Variants in STAU2 observed in about 807,000 individuals in gnomAD.
STAU2 encodes the protein double-stranded RNA-binding protein Staufen homolog 2.
A neutral mutation model predicts 65.9 loss-of-function variants in STAU2; 20 were observed. That is an observed-to-expected ratio of 0.30 (90% CI 0.21 to 0.44). The LOEUF (loss-of-function observed/expected upper bound fraction) is 0.44. STAU2 is among the 20% of genes least tolerant of loss of function. STAU2 has a pLI of 1.00. For missense variants in STAU2, 558 were observed against 683.9 expected, an observed-to-expected ratio of 0.82 and a Z score of 2.05; for synonymous variants, 232 against 233.9, an observed-to-expected ratio of 0.99 and a Z score of 0.07.
chr8:73,674,608 A>T (rs1356480961), intron 5 of STAU2, among the ~76,000 whole-genome samples: 1 of 151,586 alleles, frequency 6.6e-6, no homozygotes, highest in African/African-American at 2.4e-5. Flanking sequence ...AGATTTTTTT[A>T]AACCCTGCAA....
At chr8:73,537,358 A>G (rs1456392266) in intron 13 of STAU2, among the ~76,000 whole-genome samples, 1 of 152,222 alleles carries the variant, frequency 6.6e-6, no homozygotes, top group Non-Finnish European at 1.5e-5. Flanking sequence ...AGTTTTGGTA[A>G]AAGATAAACC....
chr8:73,653,680 T>C (rs1816080750), intron 6 of STAU2: 1 of 179,934 alleles, frequency 5.6e-6, no homozygotes, highest in Non-Finnish European at 1.2e-5. Context: ...AATTCTGATT[T>C]AATTAGTCCA....
chr8:73,444,407 C>CA (rs55722523), intron 13 of STAU2, among the ~76,000 whole-genome samples: 3,237 of 128,364 alleles, frequency 0.025, 118 homozygotes, highest in African/African-American at 0.088. Flanking sequence ...AAAACTCCAT[C>CA]AAAAAAAAAA....
intron 6 of STAU2, among the ~76,000 whole-genome samples, chr8:73,633,977 C>CA (rs536287275): frequency 7.3e-5 from 11 of 150,586 alleles, no homozygotes; most frequent in African/African-American, 2.4e-4. Context: ...GACTCCATCT[C>CA]AAAAAAAAGA....
At chr8:73,582,679 G>T in intron 12 of STAU2, 91 bp downstream of exon 12, 1 of 1,208,054 alleles carries the variant, frequency 8.3e-7, no homozygotes, top group South Asian at 1.3e-5. Context: ...CAGCCTCTCA[G>T]ACCCAGACAG....
intron 6 of STAU2, among the ~76,000 whole-genome samples, chr8:73,659,435 G>T: frequency 6.6e-6 from 1 of 152,196 alleles, no homozygotes; most frequent in East Asian, 1.9e-4. Context: ...TACTCAGGAG[G>T]CTGAGGCAGG....
chr8:73,731,223 C>G (rs1806045848), intron 3 of STAU2, among the ~76,000 whole-genome samples: 1 of 152,202 alleles, frequency 6.6e-6, no homozygotes, highest in Non-Finnish European at 1.5e-5. Context: ...CTCTGGAGAT[C>G]TCCAAAATGC....
chr8:73,511,249 CTT>C (rs71947448), intron 13 of STAU2: 58,820 of 152,570 alleles, frequency 0.39, 13,012 homozygotes, highest in Non-Finnish European at 0.5. Flanking sequence ...AAGCACTTCT[CTT>C]TTGGTTTAGT....
intron 13 of STAU2, among the ~76,000 whole-genome samples, chr8:73,450,608 ATTC>A (rs1818752552): frequency 6.6e-6 from 1 of 152,224 alleles, no homozygotes; most frequent in Non-Finnish European, 1.5e-5. Flanking sequence ...AAGTATTGGT[ATTC>A]TTCTGATGAC....
intron 12 of STAU2, among the ~76,000 whole-genome samples, chr8:73,577,163 T>C (rs1809621359): frequency 6.6e-6 from 1 of 152,154 alleles, no homozygotes; most frequent in Non-Finnish European, 1.5e-5. Flanking sequence ...GTACACTGGC[T>C]CACGCCTGTA....
chr8:73,533,523 C>CA (rs1805971101), intron 13 of STAU2, among the ~76,000 whole-genome samples: 1 of 152,174 alleles, frequency 6.6e-6, no homozygotes, highest in African/African-American at 2.4e-5. Flanking sequence ...CTGATATTGA[C>CA]TTTGCCAGTC....
At chr8:73,434,981 C>T (rs1817585844) in intron 13 of STAU2, among the ~76,000 whole-genome samples, 1 of 151,978 alleles carries the variant, frequency 6.6e-6, no homozygotes, top group African/African-American at 2.4e-5. Context: ...TCATTGAGTG[C>T]CAGTCCATTT....
intron 11 of STAU2, among the ~76,000 whole-genome samples, chr8:73,585,738 C>T (rs556909409): frequency 1.6e-4 from 25 of 152,256 alleles, no homozygotes; most frequent in African/African-American, 3.8e-4. Context: ...CAGACACAAA[C>T]GAGAAATATA....
chr8:73,496,048 G>C (rs1263344792), intron 13 of STAU2, among the ~76,000 whole-genome samples: 1 of 151,392 alleles, frequency 6.6e-6, no homozygotes, highest in East Asian at 1.9e-4. Flanking sequence ...CTCTTTCTTT[G>C]AAATCCAATT....
chr8:73,503,157 A>G (rs1482708000), intron 13 of STAU2, among the ~76,000 whole-genome samples: 1 of 152,152 alleles, frequency 6.6e-6, no homozygotes, highest in Admixed American at 6.6e-5. Flanking sequence ...TCTGAATGAC[A>G]GGTGCCCTCA....
At chr8:73,716,953 T>A (rs1821292816) in intron 3 of STAU2, among the ~76,000 whole-genome samples, 1 of 151,992 alleles carries the variant, frequency 6.6e-6, no homozygotes, top group African/African-American at 2.4e-5. Context: ...ATACAAAAAG[T>A]AGCTGGGCAC....
chr8:73,739,695 T>C (rs1806702860), intron 2 of STAU2, 61 bp downstream of exon 2: 1 of 1,387,690 alleles, frequency 7.2e-7, no homozygotes, highest in Non-Finnish European at 9.4e-7. Flanking sequence ...GGATGCTGTA[T>C]AAAGAGCACA....
At chr8:73,517,933 T>C (rs1674673857) in intron 13 of STAU2, among the ~76,000 whole-genome samples, 1 of 152,204 alleles carries the variant, frequency 6.6e-6, no homozygotes, top group Non-Finnish European at 1.5e-5. Context: ...ATATTCAATC[T>C]TCCCACTAGC....
At chr8:73,655,891 G>A (rs1055197686) in intron 6 of STAU2, among the ~76,000 whole-genome samples, 22 of 151,568 alleles carry the variant, frequency 1.5e-4, no homozygotes, top group Admixed American at 5.9e-4. Context: ...CTCGTGATTC[G>A]CCCGCCTCGG....
Sources: gnomAD v4.1 joint callset for allele counts (sites outside exome capture counted in the v4.1 genomes callset) on GRCh38, gnomAD v4.1.1 for gene constraint, MANE v1.5 for transcripts, NCBI Gene and HGNC (gene_info 2026-07-23, HGNC 2026-07-21) for gene names.